The following TACC2 variants were observed in gnomAD, a reference collection of about 807,000 sequenced individuals.
The protein encoded by TACC2 is transforming acidic coiled-coil-containing protein 2.
Under a neutral mutation model 227.3 loss-of-function variants are expected in TACC2, and 137 were observed. The ratio of observed to expected loss-of-function variants is 0.60; its 90% confidence interval spans 0.52 to 0.69. The LOEUF (loss-of-function observed/expected upper bound fraction) is 0.69, where lower values mean the gene tolerates loss of function less well. TACC2 is among the 30% of genes least tolerant of loss of function. TACC2 has a pLI of 0.00. For missense variants in TACC2, 3,470 were observed against 3,694.4 expected (o/e 0.94, Z 1.57); for synonymous variants, 1,523 against 1,487.5 (o/e 1.02, Z -0.55).
chr10:122,144,223 C>T (rs2139265447), intron 7 of TACC2, among the ~76,000 whole-genome samples: 1 of 152,210 alleles, frequency 6.6e-6, no homozygotes, highest in Middle Eastern at 3.4e-3. Flanking sequence ...GAGGTCCACC[C>T]ACATTATAGG....
intron 7 of TACC2, among the ~76,000 whole-genome samples, chr10:122,173,383 G>A (rs533161028): frequency 6.6e-6 from 1 of 152,362 alleles, no homozygotes; most frequent in East Asian, 1.9e-4. Flanking sequence ...GGTCTGAAAA[G>A]AGAGCGGGGC....
At chr10:122,102,478 G>A (rs1275001200) in intron 5 of TACC2, among the ~76,000 whole-genome samples, 1 of 152,160 alleles carries the variant, frequency 6.6e-6, no homozygotes, top group Non-Finnish European at 1.5e-5. Context: ...ACACTACTGC[G>A]GCTGATCCAT....
intron 5 of TACC2, among the ~76,000 whole-genome samples, chr10:122,115,711 T>C (rs2138200877): frequency 6.6e-6 from 1 of 151,586 alleles, no homozygotes; most frequent in South Asian, 2.1e-4. Context: ...GAGGGCTTGA[T>C]GGGGAGCACC....
intron 5 of TACC2, among the ~76,000 whole-genome samples, chr10:122,089,278 TACC>T (rs1203283452): frequency 6.6e-6 from 1 of 152,060 alleles, no homozygotes; most frequent in Non-Finnish European, 1.5e-5. Flanking sequence ...CTAGATATCA[TACC>T]CCAGCCCCCA....
chr10:122,163,208 C>T (rs2092926321), intron 7 of TACC2, among the ~76,000 whole-genome samples: 1 of 152,134 alleles, frequency 6.6e-6, no homozygotes, highest in Non-Finnish European at 1.5e-5. Context: ...CAGCGTCGCT[C>T]CCGCTGCCCG....
At chr10:122,145,379 C>A (rs559984521) in intron 7 of TACC2, among the ~76,000 whole-genome samples, 1 of 147,792 alleles carries the variant, frequency 6.8e-6, no homozygotes, top group Admixed American at 6.9e-5. Context: ...ATTGATGAAT[C>A]GCAAATGCAT....
chr10:122,175,203 C>T (rs565090394), intron 7 of TACC2, among the ~76,000 whole-genome samples: 73 of 152,328 alleles, frequency 4.8e-4, no homozygotes, highest in Non-Finnish European at 9.0e-4. Flanking sequence ...AATTCTCCTG[C>T]CTTGGCCTCC....
chr10:122,165,199 C>CTTG (rs2139903830), intron 7 of TACC2, among the ~76,000 whole-genome samples: 2 of 152,342 alleles, frequency 1.3e-5, no homozygotes, highest in Non-Finnish European at 2.9e-5. Context: ...TGTGCTGTGC[C>CTTG]TGCCTTGTTT....
At chr10:122,115,041 C>A (rs1221082900) in intron 5 of TACC2, among the ~76,000 whole-genome samples, 2 of 152,248 alleles carry the variant, frequency 1.3e-5, no homozygotes, top group Non-Finnish European at 2.9e-5. Flanking sequence ...AACCCCAGAC[C>A]GCAGACACTT....
At chr10:122,010,330 G>T (rs1047763803) in intron 1 of TACC2, among the ~76,000 whole-genome samples, 6 of 149,752 alleles carry the variant, frequency 4.0e-5, no homozygotes, top group African/African-American at 9.9e-5. Context: ...AGTTTTTGTG[G>T]GTTACAGCAG....
At chr10:122,055,873 T>A (rs993566127) in intron 3 of TACC2, among the ~76,000 whole-genome samples, 6 of 152,224 alleles carry the variant, frequency 3.9e-5, no homozygotes, top group Admixed American at 2.0e-4. Flanking sequence ...GATGGTGGAA[T>A]GCTGCTAACC....
chr10:122,173,575 A>G (rs1006487421), intron 7 of TACC2, among the ~76,000 whole-genome samples: 1 of 152,240 alleles, frequency 6.6e-6, no homozygotes, highest in African/African-American at 2.4e-5. Flanking sequence ...GAGACACAGA[A>G]GAGGCAAGAG....
chr10:122,141,306 G>A lies in TACC2; in HGVS notation c.5700-2266G>A, dbSNP rs1298324971. ...TCCTCGTGGGAGCCTGACCTCCTCG[G>A]CCCCTGGGTATGAGCCAACAGGCGG... On this transcript the variant is annotated intron_variant, in intron 6 of 22. Transcript: ENST00000369005. The surrounding 1 kb of genome is among the most constrained non-coding windows in gnomAD (Gnocchi z 4.3). 6.6e-6 allele frequency among the ~76,000 whole-genome samples: 1 copy of A among 152,132 alleles called. No individual in the cohort carries two copies. The highest frequency in any genetic ancestry group is 1.9e-4 in the East Asian group (1 of 5,194).
intron 7 of TACC2, among the ~76,000 whole-genome samples, chr10:122,185,590 T>C (rs2094157575): frequency 1.3e-5 from 2 of 152,208 alleles, no homozygotes; most frequent in South Asian, 4.1e-4. Flanking sequence ...CCAAACCTAT[T>C]AGACTAGACT....
intron 2 of TACC2, among the ~76,000 whole-genome samples, chr10:122,043,036 G>A (rs577823636): frequency 2.4e-4 from 37 of 152,308 alleles, no homozygotes; most frequent in African/African-American, 7.9e-4. Flanking sequence ...ACCCACTGAG[G>A]TAGGGAAGGG....
Position 122,235,923 on chromosome 10 carries a change from T to A in TACC2, c.8128-1472T>A, listed in dbSNP as rs145641286. ...GGATCATTTGGGTCCTGCTTCAGGG[T>A]CACCCCAAGTATGCAAGGCCAGGCA... On this transcript the variant is annotated intron_variant, in intron 16 of 22. Coordinates refer to ENST00000369005, the MANE Select transcript of TACC2 (RefSeq NM_206862.4). Among the ~76,000 whole-genome samples, 420 of 152,206 alleles carry A rather than the reference T, an allele frequency of 2.8e-3. 1 individual carries two copies. The highest frequency in any genetic ancestry group is 9.7e-3 in the African/African-American group (402 of 41,526).
chr10:122,132,030 GAA>G (rs564430394), intron 5 of TACC2, among the ~76,000 whole-genome samples: 1 of 111,874 alleles, frequency 8.9e-6, no homozygotes, highest in African/African-American at 4.2e-5. Flanking sequence ...AAAAAAGAAA[GAA>G]AAAGAAAGAA....
At chr10:122,011,143 C>T (rs1209036333) in intron 1 of TACC2, among the ~76,000 whole-genome samples, 1 of 152,044 alleles carries the variant, frequency 6.6e-6, no homozygotes, top group Non-Finnish European at 1.5e-5. Context: ...TGACCATTAC[C>T]CAGTTGGGTG....
chr10:122,071,947 C>T (rs976307131), intron 3 of TACC2, among the ~76,000 whole-genome samples: 1 of 148,674 alleles, frequency 6.7e-6, no homozygotes, highest in Admixed American at 6.7e-5. Flanking sequence ...TAATCCACAT[C>T]CGCATACACA....
Sources: allele counts gnomAD v4.1 joint callset (sites outside exome capture counted in the v4.1 genomes callset), GRCh38; gene constraint gnomAD v4.1.1; non-coding constraint Gnocchi (gnomAD v3.1); transcripts MANE v1.5; gene names NCBI Gene and HGNC (gene_info 2026-07-23, HGNC 2026-07-21).